The following LRMDA variants were observed in gnomAD, a reference collection of about 807,000 sequenced individuals.
LRMDA encodes leucine rich melanocyte differentiation associated.
In LRMDA, 18 loss-of-function variants were observed where a neutral mutation model predicts 29.8. That is an observed-to-expected ratio of 0.60 (90% CI 0.42 to 0.90). The LOEUF (loss-of-function observed/expected upper bound fraction) is 0.90. Ranked by LOEUF, LRMDA falls within the 40% of genes least tolerant of loss-of-function variation. LRMDA has a pLI of 0.00. For missense variants in LRMDA, 273 were observed against 273.9 expected (o/e 1.00, Z 0.02); for synonymous variants, 125 against 109.4 (o/e 1.14, Z -0.89).
At chr10:75,824,007 G>A (rs1178618884) in intron 2 of LRMDA, among the ~76,000 whole-genome samples, 1 of 152,072 alleles carries the variant, frequency 6.6e-6, no homozygotes, top group Non-Finnish European at 1.5e-5. Flanking sequence ...AGGATTTCGG[G>A]AGAAGGATGA....
At chr10:76,479,088 A>T (rs1478851438) in intron 6 of LRMDA, among the ~76,000 whole-genome samples, 1 of 151,620 alleles carries the variant, frequency 6.6e-6, no homozygotes. Context: ...CAAACTAAAT[A>T]TTGAGCTTAT....
rs74841716 is a variant in LRMDA at position 76,549,163 on chromosome 10, A to G, written c.602-8046A>G. Among the ~76,000 whole-genome samples, 678 of 152,038 alleles carry G rather than the reference A, an allele frequency of 4.5e-3. 2 individuals carry two copies. The highest frequency in any genetic ancestry group is 0.015 in the African/African-American group (635 of 41,462). ...TTCAGCTGCCCTGGGAGCCCAGGGT[A>G]TGTTTTCTTGAGGCTCTGGTTTGTC... is the stretch of plus-strand genomic sequence containing the variant. On this transcript the variant is annotated intron_variant, in intron 6 of 6. Transcript: ENST00000611255.
chr10:76,536,911 T>A (rs1226658361), intron 6 of LRMDA, among the ~76,000 whole-genome samples: 2 of 152,218 alleles, frequency 1.3e-5, no homozygotes, highest in African/African-American at 4.8e-5. Flanking sequence ...AATTACTATG[T>A]TGGTGCATGG....
At chr10:75,641,422 A>G (rs1364725195) in intron 2 of LRMDA, among the ~76,000 whole-genome samples, 1 of 150,460 alleles carries the variant, frequency 6.6e-6, no homozygotes, top group Non-Finnish European at 1.5e-5. Context: ...ATATATATAT[A>G]CAGATATTAT....
chr10:76,281,566 C>T (rs988083666), intron 5 of LRMDA, among the ~76,000 whole-genome samples: 3 of 152,104 alleles, frequency 2.0e-5, no homozygotes, highest in Non-Finnish European at 2.9e-5. Context: ...AACTACCATT[C>T]CCCCAACCCC....
chr10:76,424,702 G>A (rs1033684068), intron 6 of LRMDA, among the ~76,000 whole-genome samples: 3 of 152,120 alleles, frequency 2.0e-5, no homozygotes, highest in African/African-American at 7.2e-5. Context: ...TTAATAAAAT[G>A]GCAATTGCAG....
At chr10:76,213,318 T>C (rs1851669622) in intron 5 of LRMDA, among the ~76,000 whole-genome samples, 1 of 152,218 alleles carries the variant, frequency 6.6e-6, no homozygotes, top group Non-Finnish European at 1.5e-5. Flanking sequence ...GAATGGAAGA[T>C]GCTGCCTTGG....
At chr10:76,179,281 C>T (rs1415361179) in intron 5 of LRMDA, among the ~76,000 whole-genome samples, 1 of 151,772 alleles carries the variant, frequency 6.6e-6, no homozygotes, top group Admixed American at 6.6e-5. Flanking sequence ...CTGTTCTCTG[C>T]TCTCCCCACC....
chr10:75,906,491 G>A (rs912884916), intron 2 of LRMDA, among the ~76,000 whole-genome samples: 19 of 152,130 alleles, frequency 1.2e-4, no homozygotes, highest in Non-Finnish European at 2.5e-4. Context: ...TTCCCAGCTT[G>A]CACTTCCCTA....
chr10:76,185,750 C>G (rs1851136934), intron 5 of LRMDA, among the ~76,000 whole-genome samples: 2 of 152,148 alleles, frequency 1.3e-5, no homozygotes, highest in Admixed American at 1.3e-4. Context: ...AGAACCAAAG[C>G]TATGTTTCCA....
intron 2 of LRMDA, among the ~76,000 whole-genome samples, chr10:75,587,589 G>A (rs1589194734): frequency 6.6e-6 from 1 of 152,302 alleles, no homozygotes; most frequent in African/African-American, 2.4e-5. Context: ...GGATACTGTG[G>A]TCCTCTGTCC....
chr10:76,410,159 TAG>T (rs1589170511), intron 6 of LRMDA, among the ~76,000 whole-genome samples: 1 of 151,806 alleles, frequency 6.6e-6, no homozygotes, highest in East Asian at 1.9e-4. Context: ...TGGGAGGGGA[TAG>T]AGAGAGAAAA....
At chr10:75,891,412 G>T (rs1845488922) in intron 2 of LRMDA, among the ~76,000 whole-genome samples, 1 of 152,224 alleles carries the variant, frequency 6.6e-6, no homozygotes, top group Admixed American at 6.5e-5. Flanking sequence ...AGACCTGAGG[G>T]AGGGGAGCAG....
At chr10:75,845,244 C>T (rs1036905432) in intron 2 of LRMDA, among the ~76,000 whole-genome samples, 9 of 151,600 alleles carry the variant, frequency 5.9e-5, no homozygotes, top group East Asian at 1.9e-4. Flanking sequence ...TGTTTGCAGA[C>T]GGGTGGCTGT....
chr10:76,255,099 C>A (rs575132256), intron 5 of LRMDA, among the ~76,000 whole-genome samples: 5 of 152,132 alleles, frequency 3.3e-5, no homozygotes, highest in Admixed American at 6.5e-5. Flanking sequence ...TTTGGGCTTT[C>A]CCCCCAGACC....
At chr10:75,523,560 T>C (rs1391928163) in intron 2 of LRMDA, among the ~76,000 whole-genome samples, 5 of 152,306 alleles carry the variant, frequency 3.3e-5, no homozygotes, top group African/African-American at 7.2e-5. Context: ...GGGGACCTCC[T>C]CCAGTCTCTA....
chr10:76,055,689 G>A (rs1848602211), intron 4 of LRMDA, among the ~76,000 whole-genome samples: 1 of 152,248 alleles, frequency 6.6e-6, no homozygotes. Context: ...AGGCATGCTG[G>A]AAGCAGCAGG....
intron 2 of LRMDA, among the ~76,000 whole-genome samples, chr10:75,453,329 T>C (rs1258201245): frequency 3.9e-5 from 6 of 152,228 alleles, no homozygotes; most frequent in African/African-American, 1.4e-4. Context: ...TCTTTTCTTT[T>C]GAATTTCATA....
At chr10:76,377,005 C>T (rs537800000) in intron 6 of LRMDA, among the ~76,000 whole-genome samples, 1 of 150,678 alleles carries the variant, frequency 6.6e-6, no homozygotes, top group Non-Finnish European at 1.5e-5. Flanking sequence ...CCTGCCTCAG[C>T]CTCCTGAGTA....
Sources: gnomAD v4.1 joint callset for allele counts (sites outside exome capture counted in the v4.1 genomes callset) on GRCh38, gnomAD v4.1.1 for gene constraint, MANE v1.5 for transcripts, NCBI Gene and HGNC (gene_info 2026-07-23, HGNC 2026-07-21) for gene names.